DTNB: variants seen among roughly 807,000 people sequenced by gnomAD.
The protein encoded by DTNB is DTN-B.
In DTNB, 63 loss-of-function variants were observed where a neutral mutation model predicts 90.7. The ratio of observed to expected loss-of-function variants is 0.69; its 90% confidence interval spans 0.57 to 0.86. The LOEUF is 0.86. DTNB is among the 40% of genes least tolerant of loss of function. The probability of loss-of-function intolerance (pLI) is 0.00; values close to 1 mark genes in which losing one functional copy is unlikely to be tolerated. For synonymous variants in DTNB, 277 were observed against 286.7 expected (o/e 0.97, Z 0.34); for missense variants, 744 against 807.1 (o/e 0.92, Z 0.95).
chr2:25,392,335 G>A (rs551023201), intron 16 of DTNB, among the ~76,000 whole-genome samples: 36 of 152,202 alleles, frequency 2.4e-4, no homozygotes, highest in Admixed American at 5.2e-4. Context: ...TCTTGAACCC[G>A]GGAGGTGGAG....
intron 8 of DTNB, among the ~76,000 whole-genome samples, chr2:25,537,125 T>C (rs1476728891): frequency 6.6e-6 from 1 of 152,226 alleles, no homozygotes; most frequent in Non-Finnish European, 1.5e-5. Context: ...TTCATCTTTG[T>C]ATTTGAACAA....
intron 8 of DTNB, among the ~76,000 whole-genome samples, chr2:25,576,304 CA>C (rs1163050111): frequency 6.7e-6 from 1 of 148,156 alleles, no homozygotes; most frequent in African/African-American, 2.5e-5. Flanking sequence ...CGGCTCACTG[CA>C]AGCTCCACCT....
chr2:25,455,995 A>G (rs1209693691), intron 10 of DTNB, among the ~76,000 whole-genome samples: 1 of 152,216 alleles, frequency 6.6e-6, no homozygotes, highest in Non-Finnish European at 1.5e-5. Context: ...TGCCTTTAGC[A>G]TCAGTCTATT....
chr2:25,482,843 G>A lies in DTNB; in HGVS notation c.1032C>T (p.Asp344=). Residue 344 remains aspartate (D), a synonymous_variant, in exon 10 of 21, where the codon GAC becomes GAT. Transcript: ENST00000406818. ...CAGAGGACATGTGGCTAACCATGGTGTCATTCATATTAGTCAGAGGGCGAG... is the reference window on the plus strand; with the variant it reads ...CAGAGGACATGTGGCTAACCATGGTATCATTCATATTAGTCAGAGGGCGAG... The part of the protein sequence containing the change: ...VPPRPLTNMN[D]TMVSHMSSGV... 1.9e-6 allele frequency: 3 copies of A among 1,611,704 alleles called. No homozygotes were observed. Among genetic ancestry groups the A allele is most frequent in the Non-Finnish European group, 1.7e-6 (2 of 1,179,158 alleles).
At chr2:25,631,007 T>C (rs2075605972) in intron 3 of DTNB, among the ~76,000 whole-genome samples, 1 of 151,824 alleles carries the variant, frequency 6.6e-6, no homozygotes, top group Non-Finnish European at 1.5e-5. Context: ...CATAGGCAAA[T>C]CCATTAAAAA....
chr2:25,637,815 T>C (rs1160112541), intron 3 of DTNB, among the ~76,000 whole-genome samples: 3 of 152,162 alleles, frequency 2.0e-5, no homozygotes, highest in South Asian at 2.1e-4. Context: ...TCCTCAAGGA[T>C]CTAGAACTAG....
At chr2:25,498,630 G>T (rs1035610297) in intron 9 of DTNB, among the ~76,000 whole-genome samples, 4 of 151,986 alleles carry the variant, frequency 2.6e-5, no homozygotes, top group African/African-American at 9.7e-5. Flanking sequence ...TGGACTGCTT[G>T]AGCCCAAGAG....
intron 16 of DTNB, among the ~76,000 whole-genome samples, chr2:25,400,689 A>G (rs72849870): frequency 0.011 from 1,641 of 152,276 alleles, 28 homozygotes; most frequent in African/African-American, 0.037. Context: ...TCAGTGTTTT[A>G]AGGTTTCCTG....
At chr2:25,512,402 C>T (rs2074129630) in intron 9 of DTNB, among the ~76,000 whole-genome samples, 1 of 152,180 alleles carries the variant, frequency 6.6e-6, no homozygotes, top group Non-Finnish European at 1.5e-5. Context: ...CCTCTAGAAA[C>T]ACAAATCAGT....
intron 16 of DTNB, among the ~76,000 whole-genome samples, chr2:25,395,840 A>G (rs1465776403): frequency 6.6e-6 from 1 of 152,222 alleles, no homozygotes; most frequent in Non-Finnish European, 1.5e-5. Context: ...TAAATAAATT[A>G]ATCCTACTGA....
intron 6 of DTNB, among the ~76,000 whole-genome samples, chr2:25,587,020 C>T (rs2062571602): frequency 6.6e-6 from 1 of 152,160 alleles, no homozygotes; most frequent in Admixed American, 6.5e-5. Context: ...GTAAACAGTG[C>T]AACCCCATGG....
intron 1 of DTNB, among the ~76,000 whole-genome samples, chr2:25,665,997 C>A (rs1392769057): frequency 1.3e-5 from 2 of 152,084 alleles, no homozygotes; most frequent in Non-Finnish European, 1.5e-5. Context: ...CCAGTAAGAG[C>A]CCAATAAATG....
intron 16 of DTNB, among the ~76,000 whole-genome samples, chr2:25,391,439 AAAGGATCTG>A (rs928276234): frequency 1.3e-5 from 2 of 152,218 alleles, no homozygotes; most frequent in African/African-American, 4.8e-5. Context: ...TAAAATGGGC[AAAGGATCTG>A]AATAGACATT....
chr2:25,656,697 A>G (rs2082129766), intron 1 of DTNB, among the ~76,000 whole-genome samples: 1 of 152,148 alleles, frequency 6.6e-6, no homozygotes, highest in African/African-American at 2.4e-5. Context: ...CTGTCTTCCT[A>G]TGGTTCATCC....
chr2:25,532,669 G>A (rs558996070), intron 8 of DTNB, among the ~76,000 whole-genome samples: 35 of 152,178 alleles, frequency 2.3e-4, no homozygotes, highest in Non-Finnish European at 3.8e-4. Context: ...AGATTATACC[G>A]TCCACCCAAT....
intron 16 of DTNB, among the ~76,000 whole-genome samples, chr2:25,393,049 G>C (rs757326673): frequency 7.9e-5 from 12 of 152,140 alleles, no homozygotes; most frequent in Non-Finnish European, 1.6e-4. Context: ...GATCAAGTGG[G>C]TTTCATACCA....
intron 6 of DTNB, chr2:25,594,886 T>C (rs141448820): frequency 2.6e-5 from 4 of 152,380 alleles, no homozygotes; most frequent in South Asian, 2.1e-4. Flanking sequence ...CATAATACTA[T>C]GATCCAGTCT....
At position 25,534,732 on chromosome 2, in the gene DTNB, T is replaced by C. The variant is rs190675755; in HGVS notation, c.877-3135A>G. Among the ~76,000 whole-genome samples the C allele has an allele frequency of 4.9e-3, 628 of 127,306 alleles. 4 individuals are homozygous for C. Among genetic ancestry groups the C allele is most frequent in the African/African-American group, 0.018 (583 of 33,130 alleles). 83.5% of individuals were successfully genotyped at this position (127,306 alleles called of 152,430 possible). ...GGGTGGGCAGAGGCGTTCCTCACAT[T>C]CCAGACGATGGGCGGCCGGGCAGAG... On this transcript the variant is annotated intron_variant, in intron 8 of 20. Coordinates refer to ENST00000406818, the MANE Select transcript of DTNB (RefSeq NM_021907.5).
At chr2:25,571,153 C>T (rs752875113) in intron 8 of DTNB, among the ~76,000 whole-genome samples, 1 of 152,180 alleles carries the variant, frequency 6.6e-6, no homozygotes, top group African/African-American at 2.4e-5. Context: ...CAAGCCACAT[C>T]CAACCCATTA....
Sources: allele counts gnomAD v4.1 joint callset (sites outside exome capture counted in the v4.1 genomes callset), GRCh38; gene constraint gnomAD v4.1.1; transcripts MANE v1.5; gene names NCBI Gene and HGNC (gene_info 2026-07-23, HGNC 2026-07-21).